The following DSE variants were observed in gnomAD, a reference collection of about 807,000 sequenced individuals.
DSE encodes the protein dermatan sulfate epimerase.
In DSE, 36 loss-of-function variants were observed where a neutral mutation model predicts 84.4. The ratio of observed to expected loss-of-function variants is 0.43; its 90% CI spans 0.33 to 0.56. DSE has a LOEUF of 0.56. Ranked by LOEUF, DSE falls within the 20% of genes least tolerant of loss-of-function variation. The probability of loss-of-function intolerance (pLI) is 0.06; values close to 1 mark genes in which losing one functional copy is unlikely to be tolerated. For synonymous variants in DSE, 410 were observed against 430.1 expected, an observed-to-expected ratio of 0.95 and a Z score of 0.58; for missense variants, 862 against 1,169.6, an observed-to-expected ratio of 0.74 and a Z score of 3.84.
Position 116,301,188 on chromosome 6 carries a change from A to AGATC in DSE, c.-54+42222_-54+42225dup, listed in dbSNP as rs1775017346. Among the ~76,000 whole-genome samples, 4 of 152,116 alleles carry AGATC rather than the reference A, an allele frequency of 2.6e-5. No individual in the cohort carries two copies. The South Asian group carries it at 8.3e-4, about 32-fold the overall frequency. On this transcript the variant is annotated intron_variant, in intron 2 of 3. Transcript: ENST00000430252. ...GGGAGGGAGGGAGAGAGAGAGAGAG[A>AGATC]GATCCAGAGAGCACACAAACATAGG...
chr6:116,280,374 T>G, intron 2 of DSE: 1 of 188,646 alleles, frequency 5.3e-6, no homozygotes, highest in Middle Eastern at 2.5e-3. Context: ...TATCAATTCT[T>G]GCCTCTACGG....
At chr6:116,375,490 C>T in intron 1 of DSE, 1 of 980,480 alleles carries the variant, frequency 1.0e-6, no homozygotes, top group Non-Finnish European at 1.2e-6. Flanking sequence ...GGCGACAGAG[C>T]AAGATCCTGC....
intron 1 of DSE, among the ~76,000 whole-genome samples, chr6:116,382,593 C>A (rs534249170): frequency 1.7e-4 from 26 of 152,058 alleles, no homozygotes; most frequent in Non-Finnish European, 3.1e-4. Context: ...ATGCTTATAC[C>A]ACATAGTTTC....
intron 2 of DSE, among the ~76,000 whole-genome samples, chr6:116,264,704 T>G (rs1772546182): frequency 6.6e-6 from 1 of 152,194 alleles, no homozygotes; most frequent in Non-Finnish European, 1.5e-5. Context: ...TTTGTGGTCT[T>G]GTGTTCCTTC....
At chr6:116,340,548 G>C (rs1009248683) in intron 2 of DSE, among the ~76,000 whole-genome samples, 3 of 152,134 alleles carry the variant, frequency 2.0e-5, no homozygotes, top group Admixed American at 2.0e-4. Flanking sequence ...GTGTAGGTTT[G>C]ATACATAGGT....
At chr6:116,385,930 C>T (rs1162568602) in intron 1 of DSE, among the ~76,000 whole-genome samples, 1 of 151,940 alleles carries the variant, frequency 6.6e-6, no homozygotes, top group African/African-American at 2.4e-5. Context: ...AATAAAAGCA[C>T]CACTCCATAT....
intron 2 of DSE, among the ~76,000 whole-genome samples, chr6:116,349,444 C>T (rs1228958517): frequency 2.0e-5 from 3 of 152,188 alleles, no homozygotes; most frequent in African/African-American, 7.2e-5. Flanking sequence ...TTTCTTATCT[C>T]TTTTATGCAA....
intron 2 of DSE, among the ~76,000 whole-genome samples, chr6:116,299,366 A>C (rs1329044667): frequency 6.6e-6 from 1 of 151,910 alleles, no homozygotes; most frequent in Non-Finnish European, 1.5e-5. Flanking sequence ...AATGGTTTTA[A>C]GAATAATTTG....
At chr6:116,378,055 A>G (rs1364185599) in intron 1 of DSE, among the ~76,000 whole-genome samples, 1 of 152,114 alleles carries the variant, frequency 6.6e-6, no homozygotes, top group African/African-American at 2.4e-5. Context: ...CAGTGTTTAC[A>G]TTTCTCCCAA....
intron 1 of DSE, among the ~76,000 whole-genome samples, chr6:116,395,760 GCTCTT>G (rs1781215047): frequency 6.6e-6 from 1 of 151,906 alleles, no homozygotes; most frequent in Non-Finnish European, 1.5e-5. Flanking sequence ...TTTAATTTTG[GCTCTT>G]CTCTTTGTAC....
chr6:116,316,826 C>CTATTATTATTATTATTATTATTATTAT (rs5879374), intron 2 of DSE, among the ~76,000 whole-genome samples: 101 of 145,866 alleles, frequency 6.9e-4, no homozygotes, highest in African/African-American at 2.3e-3. Context: ...ACTACTACTA[C>CTATTATTATTATTATTATTATTATTAT]TATTATTATT....
chr6:116,417,162 T>C (rs917077884), intron 2 of DSE, among the ~76,000 whole-genome samples: 1 of 152,224 alleles, frequency 6.6e-6, no homozygotes, highest in African/African-American at 2.4e-5. Context: ...ATCATGTTTC[T>C]TCCTCTCACC....
upstream of DSE, chr6:116,370,499 AGT>A: frequency 1.0e-6 from 1 of 986,406 alleles, no homozygotes; most frequent in Non-Finnish European, 1.2e-6. Flanking sequence ...CAGTCCCGGT[AGT>A]AAGAGTCTTA....
Position 116,279,272 on chromosome 6 carries a change from C to G in DSE, c.-54+20305C>G, listed in dbSNP as rs769018318. 2.5e-6 allele frequency: 4 copies of G among 1,600,144 alleles called. No individual in the cohort carries two copies. The African/African-American group carries it at 4.2e-5, about 17-fold the overall frequency. ...TGCTCCTCTACCTCCATCTGCTCCT[C>G]CATTACCTCCTTCTCCGCCAGGCCT... On this transcript the variant is annotated intron_variant, in intron 2 of 3. Transcript: ENST00000430252.
chr6:116,316,190 T>G (rs952800488), intron 2 of DSE, among the ~76,000 whole-genome samples: 1 of 152,206 alleles, frequency 6.6e-6, no homozygotes, highest in Non-Finnish European at 1.5e-5. Flanking sequence ...TAAAATGTAT[T>G]CTAAAAGGAG....
rs769250716 is a variant in DSE, at chr6:116,431,036, G to A, written c.753G>A (p.Thr251=). ...CTCTGGTCTTGCTCAGGGAGGTGAC[G>A]GATGGCTCCCTCTATGAAGGAGTTG... The part of the protein sequence containing the change: ...EKSLVLLREV[T]DGSLYEGVAY... Residue 251 remains threonine, a synonymous_variant, in exon 4 of 6, where the codon ACG becomes ACA. Transcript: ENST00000644252. The A allele has an allele frequency of 3.5e-5, 56 of 1,614,024 alleles. 1 individual carries two copies. Among genetic ancestry groups the A allele is most frequent in the Admixed American group, 3.3e-4 (20 of 60,010 alleles).
intron 2 of DSE, among the ~76,000 whole-genome samples, chr6:116,280,659 A>C (rs1469192578): frequency 6.6e-6 from 1 of 152,254 alleles, no homozygotes. Context: ...ATCTGTCTTT[A>C]GCAATCAGCT....
Position 116,399,471 on chromosome 6 carries a change from C to G in DSE, c.221C>G (p.Ala74Gly). 1 of 1,614,248 alleles carries G rather than the reference C, an allele frequency of 6.2e-7. No homozygotes were observed. Among genetic ancestry groups the G allele is most frequent in the Non-Finnish European group, 8.5e-7 (1 of 1,180,050 alleles). The change falls in exon 2 of 6, where the codon GCT becomes GGT. Residue 74 changes from alanine (A) to glycine (G), a missense_variant. Ala to Gly is a moderately conservative substitution (Grantham distance 60). This residue lies in a region of DSE where 309 missense variants were observed against 516.9 expected (regional missense o/e 0.60). Transcript: ENST00000644252. ...CACATTGCAGCCCGCCTCACGGAGGCTGTGCACACGATGCTGTCCAGCCCC... is the reference window on the plus strand; with the variant it reads ...CACATTGCAGCCCGCCTCACGGAGGGTGTGCACACGATGCTGTCCAGCCCC... The part of the protein sequence containing the change: ...HEHIAARLTE[A>G]VHTMLSSPLE...
At chr6:116,294,246 C>G (rs1774509576) in intron 2 of DSE, among the ~76,000 whole-genome samples, 1 of 152,142 alleles carries the variant, frequency 6.6e-6, no homozygotes, top group African/African-American at 2.4e-5. Context: ...TGGTCTTGAA[C>G]TCCTGGGCTC....
Sources: gnomAD v4.1 joint callset for allele counts (sites outside exome capture counted in the v4.1 genomes callset) on GRCh38, gnomAD v4.1.1 for gene constraint, gnomAD v4.1.1 regional missense constraint, MANE v1.5 for transcripts, NCBI Gene and HGNC (gene_info 2026-07-23, HGNC 2026-07-21) for gene names.